Variants in DIP2B observed in about 807,000 individuals in gnomAD.
DIP2B encodes disco-interacting protein 2 homolog B.
DIP2B carries 76 observed loss-of-function variants against 198.0 expected under a neutral mutation model. The observed-to-expected ratio is 0.38, with a 90% CI of 0.32 to 0.46. The LOEUF is 0.46. Ranked by LOEUF, DIP2B falls within the 20% of genes least tolerant of loss-of-function variation. The pLI is 0.99. For missense variants in DIP2B, 1,559 were observed against 1,978.4 expected (o/e 0.79, Z 4.02); for synonymous variants, 701 against 739.1 (o/e 0.95, Z 0.84).
At chr12:50,742,085 CT>C (rs1354572264) in intron 37 of DIP2B, among the ~76,000 whole-genome samples, 1 of 152,064 alleles carries the variant, frequency 6.6e-6, no homozygotes, top group Non-Finnish European at 1.5e-5. Context: ...CACATATTGA[CT>C]TAAAATCTGT....
chr12:50,730,062 C>A (rs1169676928), intron 30 of DIP2B, among the ~76,000 whole-genome samples: 6 of 152,178 alleles, frequency 3.9e-5, no homozygotes, highest in Non-Finnish European at 7.3e-5. Context: ...CTATTGGGTT[C>A]AAGCCTGTTA....
chr12:50,601,813 A>C (rs1001800394), intron 1 of DIP2B, among the ~76,000 whole-genome samples: 1 of 151,778 alleles, frequency 6.6e-6, no homozygotes, highest in African/African-American at 2.4e-5. Flanking sequence ...TTTTTATTTT[A>C]GCTGTTAAAT....
intron 20 of DIP2B, among the ~76,000 whole-genome samples, chr12:50,704,550 G>C (rs547340980): frequency 2.6e-5 from 4 of 152,268 alleles, no homozygotes; most frequent in Admixed American, 2.6e-4. Flanking sequence ...GTTGCAATAA[G>C]TTAGAAGAGT....
intron 1 of DIP2B, among the ~76,000 whole-genome samples, chr12:50,510,970 G>C (rs565094839): frequency 5.7e-5 from 8 of 140,532 alleles, no homozygotes; most frequent in African/African-American, 2.1e-4. Context: ...TTTTGAGACG[G>C]AGTCTCTCCC....
At chr12:50,654,585 C>T (rs929138463) in intron 3 of DIP2B, among the ~76,000 whole-genome samples, 2 of 152,086 alleles carry the variant, frequency 1.3e-5, no homozygotes, top group African/African-American at 4.8e-5. Context: ...CCCTTGGGCT[C>T]ATGCAGTCCT....
intron 27 of DIP2B, among the ~76,000 whole-genome samples, chr12:50,723,959 T>TAAAA (rs1939886235): frequency 9.9e-5 from 15 of 152,168 alleles, no homozygotes; most frequent in Admixed American, 7.9e-4. Context: ...TTATAGGATA[T>TAAAA]GAGAGTTAAA....
At chr12:50,673,518 G>A (rs1938890868) in intron 5 of DIP2B, among the ~76,000 whole-genome samples, 1 of 152,178 alleles carries the variant, frequency 6.6e-6, no homozygotes. Context: ...CTGGTGTGGT[G>A]GCACACGCCT....
In DIP2B at chr12:50,686,620, A is replaced by G; in HGVS notation, c.1489A>G (p.Lys497Glu). The G allele has an allele frequency of 3.1e-6, 5 of 1,614,082 alleles. No homozygotes were observed. The highest frequency in any genetic ancestry group is 4.2e-6 in the Non-Finnish European group (5 of 1,180,014). The change falls in exon 12 of 38, where the codon AAG becomes GAG. Residue 497 changes from lysine to glutamate, a missense_variant. Lys to Glu is a moderately conservative substitution (Grantham distance 56, BLOSUM62 1). Transcript: ENST00000301180. The part of the protein sequence containing the change: ...WVVTDSKYLS[K>E]PPKDWQPHIS... ...TGTAACAGATTCCAAGTACCTTTCA[A>G]AGCCACCGAAAGACTGGCAGCCACA...
chr12:50,735,741 G>C (rs1940127594), intron 34 of DIP2B, among the ~76,000 whole-genome samples: 1 of 152,204 alleles, frequency 6.6e-6, no homozygotes, highest in African/African-American at 2.4e-5. Context: ...TGGGATTACA[G>C]GCATGAGCCA....
At position 50,685,967 on chromosome 12, in the gene DIP2B, T is replaced by C. The variant is rs752935220; in HGVS notation, c.1441+11T>C. ...TTGTACAGTTTAAAGGTTAGTAACA[T>C]TGTACCTGAATTATCAGTTAAAAGT... On this transcript the variant is annotated intron_variant, in intron 11 of 37. Coordinates refer to ENST00000301180, the MANE Select transcript of DIP2B (RefSeq NM_173602.3). The C allele has an allele frequency of 6.2e-7, 1 of 1,608,300 alleles. No homozygotes were observed. The highest frequency in any genetic ancestry group is 1.3e-5 in the African/African-American group (1 of 74,832).
At chr12:50,675,515 T>C in intron 7 of DIP2B, 67 bp downstream of exon 7, 1 of 1,451,156 alleles carries the variant, frequency 6.9e-7, no homozygotes, top group Non-Finnish European at 9.4e-7. Context: ...TACTATGTGT[T>C]AGGTACTGTA....
intron 2 of DIP2B, among the ~76,000 whole-genome samples, chr12:50,638,525 G>A (rs1211951343): frequency 6.6e-6 from 1 of 152,158 alleles, no homozygotes; most frequent in South Asian, 2.1e-4. Context: ...ATGGCATATA[G>A]TATCTCATTA....
At chr12:50,566,641 T>G (rs1425044481) in intron 1 of DIP2B, among the ~76,000 whole-genome samples, 1 of 152,154 alleles carries the variant, frequency 6.6e-6, no homozygotes, top group Non-Finnish European at 1.5e-5. Context: ...TCTGAGGCTC[T>G]GTTAGATTTT....
chr12:50,707,165 A>G (rs1320882633), intron 21 of DIP2B, among the ~76,000 whole-genome samples: 1 of 152,232 alleles, frequency 6.6e-6, no homozygotes, highest in African/African-American at 2.4e-5. Context: ...TTCTTTGCTT[A>G]TTAATGTAAG....
At chr12:50,576,885 C>T (rs956256660) in intron 1 of DIP2B, among the ~76,000 whole-genome samples, 12 of 149,416 alleles carry the variant, frequency 8.0e-5, no homozygotes, top group East Asian at 6.1e-4. Context: ...TTTTTTGATA[C>T]GGAGTTTCGG....
intron 1 of DIP2B, among the ~76,000 whole-genome samples, chr12:50,506,674 G>T (rs1041817436): frequency 2.0e-5 from 3 of 152,012 alleles, no homozygotes; most frequent in African/African-American, 7.2e-5. Flanking sequence ...GAATCCTCTG[G>T]GTTTGTCTGC....
At chr12:50,611,955 T>G (rs956256836) in intron 1 of DIP2B, among the ~76,000 whole-genome samples, 2 of 151,634 alleles carry the variant, frequency 1.3e-5, no homozygotes, top group African/African-American at 4.9e-5. Flanking sequence ...TCCCAGGACT[T>G]TAAGAAGCCA....
intron 1 of DIP2B, among the ~76,000 whole-genome samples, chr12:50,583,871 C>A (rs557546200): frequency 2.8e-4 from 42 of 152,272 alleles, no homozygotes; most frequent in Admixed American, 1.4e-3. Context: ...TCTTCCATTT[C>A]TTCTCTTCCA....
At chr12:50,506,473 G>A (rs115960200) in intron 1 of DIP2B, among the ~76,000 whole-genome samples, 296 of 152,284 alleles carry the variant, frequency 1.9e-3, no homozygotes, top group African/African-American at 6.9e-3. Flanking sequence ...ATCCTGTTGG[G>A]CACTGAAGGA....
Sources: gnomAD v4.1 joint callset for allele counts (sites outside exome capture counted in the v4.1 genomes callset) on GRCh38, gnomAD v4.1.1 for gene constraint, MANE v1.5 for transcripts, NCBI Gene and HGNC (gene_info 2026-07-23, HGNC 2026-07-21) for gene names.